The following MRTFB variants were observed in gnomAD, a reference collection of about 807,000 sequenced individuals.
MRTFB encodes myocardin-related transcription factor B.
MRTFB carries 29 observed loss-of-function variants against 104.2 expected under a neutral mutation model. That is an observed-to-expected ratio of 0.28 (90% CI 0.21 to 0.38). The LOEUF (loss-of-function observed/expected upper bound fraction) is 0.38, where lower values mean the gene tolerates loss of function less well. Ranked by LOEUF, MRTFB falls within the 10% of genes least tolerant of loss-of-function variation. The pLI, the probability that MRTFB is intolerant of heterozygous loss-of-function variation, is 1.00. For missense variants in MRTFB, 1,270 were observed against 1,341.6 expected (o/e 0.95, Z 0.83); for synonymous variants, 535 against 519.5 (o/e 1.03, Z -0.41).
chr16:14,064,063 C>T, the MRTFB span, among the ~76,000 whole-genome samples: 1 of 152,204 alleles, frequency 6.6e-6, no homozygotes, highest in East Asian at 1.9e-4. Flanking sequence ...CTGTTTTCCA[C>T]AGTGGCTGAA....
Position 14,140,743 on chromosome 16 carries a change from T to A in MRTFB, c.137T>A (p.Leu46Gln). ...CAGTCCAGTCAAAACTTACCCCCTC[T>A]GAACGAAAGGAAAAATGGTGAGTTC... ...SLQSSQNLPP[L>Q]NERKNVLQLR... The change falls in exon 3 of 17, where the codon CTG (leucine) becomes CAG (glutamine). Residue 46 changes from leucine (L) to glutamine (Q), a missense_variant. This residue lies in a region of MRTFB where 62 missense variants were observed against 57.2 expected (regional missense o/e 1.08). Transcript: ENST00000571589. The A allele has an allele frequency of 6.2e-7, 1 of 1,614,134 alleles. No individual in the cohort carries two copies. Among genetic ancestry groups the A allele is most frequent in the Non-Finnish European group, 8.5e-7 (1 of 1,180,024 alleles).
At chr16:14,186,673 C>G in intron 3 of MRTFB, 1 of 1,302,588 alleles carries the variant, frequency 7.7e-7, no homozygotes, top group African/African-American at 1.5e-5. Context: ...TGTGGCTCTG[C>G]CTCCCGATGT....
At chr16:14,241,551 CATT>C (rs2042767251) in intron 10 of MRTFB, 1 of 152,180 alleles carries the variant, frequency 6.6e-6, no homozygotes, top group South Asian at 2.1e-4. Context: ...TGCAAAAGCT[CATT>C]ATAATGAAAA....
intron 3 of MRTFB, among the ~76,000 whole-genome samples, chr16:14,197,620 T>C (rs2040498165): frequency 6.6e-6 from 1 of 152,196 alleles, no homozygotes; most frequent in African/African-American, 2.4e-5. Context: ...AAGTATACCA[T>C]GCAAATTTAA....
chr16:14,252,302 T>G (rs1249395662), intron 14 of MRTFB, 63 bp from the exon 15 acceptor site: 2 of 1,572,476 alleles, frequency 1.3e-6, no homozygotes, highest in Non-Finnish European at 1.7e-6. Flanking sequence ...GAGCCGAGTC[T>G]AGCCAGGAAA....
the MRTFB span, chr16:14,013,526 A>C: frequency 1.3e-5 from 2 of 152,222 alleles, no homozygotes; most frequent in Non-Finnish European, 2.9e-5. Flanking sequence ...GCTGCACTTG[A>C]AAACAGGCAT....
the MRTFB span, among the ~76,000 whole-genome samples, chr16:14,044,566 A>C: frequency 1.2e-4 from 18 of 152,218 alleles, no homozygotes; most frequent in African/African-American, 4.3e-4. Flanking sequence ...ACCAGGACTA[A>C]ACAGTAGCAC....
rs549849253 is a variant in MRTFB at position 14,239,860 on chromosome 16, T to C, written c.832-377T>C. On this transcript the variant is annotated intron_variant, in intron 9 of 16. Transcript: ENST00000571589. The stretch of plus-strand genomic sequence containing the variant: ...ATTTTTAGGTATTACATGGTTTTGG[T>C]GAAGTATACTTAACCTTTTCCCATT... Among the ~76,000 whole-genome samples, 5 of 152,360 alleles carry C rather than the reference T, an allele frequency of 3.3e-5. No individual in the cohort carries two copies. In the East Asian group the frequency reaches 7.7e-4, roughly 23 times the overall value.
intron 3 of MRTFB, among the ~76,000 whole-genome samples, chr16:14,185,503 A>C (rs2039921630): frequency 6.6e-6 from 1 of 152,218 alleles, no homozygotes; most frequent in African/African-American, 2.4e-5. Context: ...TTAGTTGCTC[A>C]TCTAAAATTA....
chr16:14,186,604 G>T, intron 3 of MRTFB: 2 of 823,392 alleles, frequency 2.4e-6, no homozygotes, highest in Non-Finnish European at 3.2e-6. Context: ...GGGGAAGCTG[G>T]AATGGCAAGG....
intron 3 of MRTFB, among the ~76,000 whole-genome samples, chr16:14,192,441 T>C (rs940541740): frequency 1.3e-5 from 2 of 152,138 alleles, no homozygotes; most frequent in Non-Finnish European, 2.9e-5. Context: ...GTAAAAGATA[T>C]CTCTTCACAG....
chr16:14,050,096 A>C, the MRTFB span, among the ~76,000 whole-genome samples: 2 of 152,226 alleles, frequency 1.3e-5, no homozygotes, highest in African/African-American at 2.4e-5. Context: ...GTGTGTGTAC[A>C]TGTTGTATGC....
At chr16:14,136,037 G>A (rs1451225500) in intron 2 of MRTFB, among the ~76,000 whole-genome samples, 2 of 152,148 alleles carry the variant, frequency 1.3e-5, no homozygotes, top group Non-Finnish European at 2.9e-5. Flanking sequence ...TTGGGAGGCC[G>A]AAGCGGGTGG....
chr16:14,249,128 C>T lies in MRTFB; in HGVS notation c.2403+47C>T, dbSNP rs769243263. 3.1e-6 allele frequency: 5 copies of T among 1,591,564 alleles called. No homozygotes were observed. In the South Asian group the frequency reaches 5.7e-5, roughly 18 times the overall value. ...ATAGAATGTCGCTGATTTTTACCAT[C>T]CTCCGATCATCCATTCAACAAGCAT... is the stretch of plus-strand genomic sequence containing the variant. On this transcript the variant is annotated intron_variant, in intron 13 of 16. Transcript: ENST00000571589.
chr16:13,999,881 A>G, the MRTFB span, among the ~76,000 whole-genome samples: 1 of 152,326 alleles, frequency 6.6e-6, no homozygotes, highest in Non-Finnish European at 1.5e-5. Context: ...TGCAATAGGC[A>G]CCCAACAACA....
chr16:14,070,093 A>G (rs956278955), upstream of MRTFB, among the ~76,000 whole-genome samples: 2 of 152,148 alleles, frequency 1.3e-5, no homozygotes, highest in African/African-American at 4.8e-5. Flanking sequence ...TGGGCTGGGT[A>G]AGCCCATGCA....
the MRTFB span, among the ~76,000 whole-genome samples, chr16:14,063,692 C>G: frequency 6.6e-6 from 1 of 152,220 alleles, no homozygotes; most frequent in Non-Finnish European, 1.5e-5. Flanking sequence ...TGAGCTCAGT[C>G]CTACCACCTC....
intron 3 of MRTFB, chr16:14,187,088 C>T: frequency 6.8e-7 from 1 of 1,471,376 alleles, no homozygotes; most frequent in Non-Finnish European, 9.2e-7. Flanking sequence ...TTCTGGTCAG[C>T]CAGCTGAGCG....
In MRTFB at chr16:14,117,449, G is replaced by A. The variant is rs375187977; in HGVS notation, c.-63-23095G>A. ...ATAGCATCTATTCTTTTCCTTCACA[G>A]CATTTTTCACAGTTTTAATTATATA... is the stretch of plus-strand genomic sequence containing the variant. On this transcript the variant is annotated intron_variant, in intron 2 of 16. Transcript: ENST00000571589. Among the ~76,000 whole-genome samples the A allele has an allele frequency of 4.6e-5, 7 of 152,254 alleles. No individual in the cohort carries two copies. In the South Asian group the frequency reaches 1.5e-3, roughly 32 times the overall value.
Sources: gnomAD v4.1 joint callset for allele counts (sites outside exome capture counted in the v4.1 genomes callset) on GRCh38, gnomAD v4.1.1 for gene constraint, gnomAD v4.1.1 regional missense constraint, MANE v1.5 for transcripts, NCBI Gene and HGNC (gene_info 2026-07-23, HGNC 2026-07-21) for gene names.